Variants in HSPBP1 observed in about 807,000 individuals in gnomAD.
HSPBP1 encodes the protein hsp70-binding protein 1.
In HSPBP1, 31 loss-of-function variants were observed where a neutral mutation model predicts 41.7. That is an observed-to-expected ratio of 0.74 (90% CI 0.56 to 1.00). The LOEUF is 1.00. Ranked by LOEUF, HSPBP1 falls within the 50% of genes least tolerant of loss-of-function variation. The pLI, the probability that HSPBP1 is intolerant of heterozygous loss-of-function variation, is 0.00. For missense variants in HSPBP1, 439 were observed against 487.9 expected (o/e 0.90, Z 0.94); for synonymous variants, 199 against 214.4 (o/e 0.93, Z 0.63).
rs567515774 is a variant in HSPBP1, at chr19:55,268,299, G to A, written c.641-2013C>T. 9.2e-5 allele frequency among the ~76,000 whole-genome samples: 14 copies of A among 152,114 alleles called. No homozygotes were observed. In the East Asian group the frequency reaches 1.9e-3, roughly 21 times the overall value. On this transcript the variant is annotated intron_variant, in intron 4 of 7. Coordinates refer to ENST00000433386, the MANE Select transcript of HSPBP1 (RefSeq NM_012267.5). This position sits in a 1 kb window ranked among gnomAD's most constrained non-coding sequence, Gnocchi z 4.5. ...TACAAAATTAGCTGGGCGTGGTGGCGTGCGTCTGTAATCCCAGCTACTAGG... is the reference window on the plus strand; with the variant it reads ...TACAAAATTAGCTGGGCGTGGTGGCATGCGTCTGTAATCCCAGCTACTAGG...
intron 4 of HSPBP1, among the ~76,000 whole-genome samples, chr19:55,273,195 G>A (rs2087971096): frequency 6.6e-6 from 1 of 152,046 alleles, no homozygotes; most frequent in Non-Finnish European, 1.5e-5. Flanking sequence ...TCCCTATGTT[G>A]CCCAGGCTGG....
intron 4 of HSPBP1, among the ~76,000 whole-genome samples, chr19:55,273,074 C>T (rs2087967739): frequency 2.0e-5 from 3 of 152,150 alleles, no homozygotes; most frequent in Admixed American, 1.3e-4. Flanking sequence ...ACTGCAGCCT[C>T]AACTTCCCAG....
At position 55,262,416 on chromosome 19, in the gene HSPBP1, G is replaced by C; in HGVS notation, c.*192C>G. The C allele has an allele frequency of 2.1e-6, 3 of 1,411,526 alleles. No individual in the cohort carries two copies. Among genetic ancestry groups the C allele is most frequent in the Non-Finnish European group, 2.8e-6 (3 of 1,084,340 alleles). The allele number at this position is 1,411,526 out of a possible 1,614,324, so 87.4% of individuals were successfully genotyped here. ...CAAGAGAACGGGGATGAGAGTGAGA[G>C]CATGGGAGGTGGGGTCCAAGGAGCT... On this transcript the variant is annotated 3_prime_UTR_variant, in exon 8 of 8. Transcript: ENST00000433386.
intron 4 of HSPBP1, among the ~76,000 whole-genome samples, chr19:55,273,709 T>G (rs1256243247): frequency 1.3e-5 from 2 of 152,180 alleles, no homozygotes; most frequent in Admixed American, 1.3e-4. Context: ...CGTGTCCCTC[T>G]GCCCACACCT....
rs74826068 is a variant in HSPBP1, at chr19:55,273,641, C to T, written c.640+757G>A. Among the ~76,000 whole-genome samples, 745 of 152,278 alleles carry T rather than the reference C, an allele frequency of 4.9e-3. 3 individuals carry two copies. Among genetic ancestry groups the T allele is most frequent in the African/African-American group, 0.017 (718 of 41,550 alleles). On this transcript the variant is annotated intron_variant, in intron 4 of 7. Coordinates refer to ENST00000433386, the MANE Select transcript of HSPBP1 (RefSeq NM_012267.5). ...CCCGACCTGGTGCCTGTGTCCCAGG[C>T]GGCAGTATTTGGGGGAGTCCTGGCC...
chr19:55,267,261 C>T (rs1198692066), intron 4 of HSPBP1, among the ~76,000 whole-genome samples: 1 of 152,190 alleles, frequency 6.6e-6, no homozygotes, highest in Non-Finnish European at 1.5e-5. Context: ...AACTATTCTT[C>T]AGCCTCAGCC....
intron 2 of HSPBP1, 41 bp downstream of exon 2, chr19:55,279,358 C>T: frequency 6.5e-7 from 1 of 1,542,556 alleles, no homozygotes; most frequent in Non-Finnish European, 8.8e-7. Flanking sequence ...CTATCTGTCC[C>T]CAGGCCCCTC....
intron 2 of HSPBP1, among the ~76,000 whole-genome samples, chr19:55,278,403 G>T (rs999471585): frequency 6.6e-6 from 1 of 152,002 alleles, no homozygotes; most frequent in Non-Finnish European, 1.5e-5. Context: ...AAGGTTCAAT[G>T]ATATCATATA....
intron 7 of HSPBP1, 37 bp from the exon 8 acceptor site, chr19:55,262,719 T>A (rs1186746965): frequency 1.3e-6 from 2 of 1,589,094 alleles, no homozygotes; most frequent in East Asian, 2.3e-5. Context: ...GGGGCCTGAG[T>A]GCAGAGGCCG....
chr19:55,264,007 C>T (rs188499117), intron 7 of HSPBP1, among the ~76,000 whole-genome samples: 4 of 140,722 alleles, frequency 2.8e-5, no homozygotes, highest in East Asian at 4.1e-4. Flanking sequence ...CTCACTCTGT[C>T]GCCCAGGCTG....
At chr19:55,277,210 C>T (rs1030574988) in intron 3 of HSPBP1, among the ~76,000 whole-genome samples, 1 of 152,352 alleles carries the variant, frequency 6.6e-6, no homozygotes, top group African/African-American at 2.4e-5. Flanking sequence ...GCTGCTGTTC[C>T]TGAACACACC....
chr19:55,265,375 A>T lies in HSPBP1; in HGVS notation c.908T>A (p.Phe303Tyr). The change falls in exon 7 of 8, where the codon TTT becomes TAT. Residue 303 changes from phenylalanine (F) to tyrosine (Y), a missense_variant. By Grantham distance (22) the Phe-to-Tyr change is conservative. Transcript: ENST00000433386. ...CCGACACTCGCGCACACCCTGCGGA[A>T]AGTCTGTCACCAGGCTGTGAGGGAC... ...LGALCSLVTD[F>Y]PQGVRECREP... 2 of 1,613,028 alleles carry T rather than the reference A, an allele frequency of 1.2e-6. No individual in the cohort carries two copies. The highest frequency in any genetic ancestry group is 1.7e-6 in the Non-Finnish European group (2 of 1,179,734).
intron 3 of HSPBP1, among the ~76,000 whole-genome samples, chr19:55,276,365 C>A (rs368734719): frequency 5.9e-5 from 9 of 152,250 alleles, no homozygotes; most frequent in African/African-American, 2.2e-4. Context: ...GCACAACATT[C>A]TGAATTGACT....
Position 55,274,570 on chromosome 19 carries a change from C to T in HSPBP1, c.468G>A (p.Ala156=), listed in dbSNP as rs150595412. 2.8e-5 allele frequency: 45 copies of T among 1,608,792 alleles called. No homozygotes were observed. The highest frequency in any genetic ancestry group is 1.5e-4 in the African/African-American group (11 of 74,908). Residue 156 remains alanine (A), a synonymous_variant, in exon 4 of 8, where the codon GCG becomes GCA. Transcript: ENST00000433386. ...CCCGCCACCGCAGTCCCGCAGCCCC[C>T]GCCTCCAGGTACCGGCCCACCAGCA... ...MHLLVGRYLE[A]GAAGLRWRAA...
rs181923547 is a variant in HSPBP1 at position 55,268,999 on chromosome 19, A to G, written c.641-2713T>C. ...TGTTATTTAATTAAAGAAAGAAAAA[A>G]GAACAGGCATGCATGGACTGGAAAA... On this transcript the variant is annotated intron_variant, in intron 4 of 7. Coordinates refer to ENST00000433386, the MANE Select transcript of HSPBP1 (RefSeq NM_012267.5). This position sits in a 1 kb window ranked among gnomAD's most constrained non-coding sequence, Gnocchi z 4.5. Among the ~76,000 whole-genome samples the G allele has an allele frequency of 8.1e-4, 123 of 152,326 alleles. 2 individuals are homozygous for G. In the East Asian group the frequency reaches 0.018, roughly 23 times the overall value.
In HSPBP1 at chr19:55,272,770, G is replaced by A. The variant is rs1003722397; in HGVS notation, c.640+1628C>T. 2.6e-5 allele frequency among the ~76,000 whole-genome samples: 4 copies of A among 151,928 alleles called. No homozygotes were observed. Among genetic ancestry groups the A allele is most frequent in the African/African-American group, 9.7e-5 (4 of 41,340 alleles). On this transcript the variant is annotated intron_variant, in intron 4 of 7. Transcript: ENST00000433386. This position sits in a 1 kb window ranked among gnomAD's most constrained non-coding sequence, Gnocchi z 4.2. ...GCAGAACTGCTTGAACCTGGGAGGA[G>A]GAGGTTGTAGTGAGCCGAGATCGCG...
At chr19:55,266,585 T>A (rs1015239434) in intron 4 of HSPBP1, among the ~76,000 whole-genome samples, 31 of 142,348 alleles carry the variant, frequency 2.2e-4, no homozygotes, top group Admixed American at 7.8e-4. Flanking sequence ...ACTATCACCA[T>A]CACCACCACA....
At chr19:55,274,336 G>GGCCCC in intron 4 of HSPBP1, 62 bp downstream of exon 4, 2 of 788,062 alleles carry the variant, frequency 2.5e-6, no homozygotes, top group East Asian at 3.1e-5. Flanking sequence ...GATCCCGGGG[G>GGCCCC]CCCACCCGGC....
upstream of HSPBP1, chr19:55,280,149 G>C (rs2088193977): frequency 5.2e-6 from 1 of 193,332 alleles, no homozygotes; most frequent in Non-Finnish European, 1.1e-5. Context: ...GAAGTGCCAG[G>C]CGTACCCACC....
Sources: allele counts gnomAD v4.1 joint callset (sites outside exome capture counted in the v4.1 genomes callset), GRCh38; gene constraint gnomAD v4.1.1; non-coding constraint Gnocchi (gnomAD v3.1); transcripts MANE v1.5; gene names NCBI Gene and HGNC (gene_info 2026-07-23, HGNC 2026-07-21).